UTP20: variants seen among roughly 807,000 people sequenced by gnomAD.
UTP20 encodes small subunit processome component 20 homolog.
In UTP20, 164 loss-of-function variants were observed where a neutral mutation model predicts 329.5. The ratio of observed to expected loss-of-function variants is 0.50; its 90% CI spans 0.44 to 0.57. The LOEUF (loss-of-function observed/expected upper bound fraction) is 0.57. UTP20 is among the 20% of genes least tolerant of loss of function. The pLI, the probability that UTP20 is intolerant of heterozygous loss-of-function variation, is 0.00. For synonymous variants in UTP20, 1,151 were observed against 1,159.3 expected (o/e 0.99, Z 0.14); for missense variants, 3,055 against 3,284.2 (o/e 0.93, Z 1.71).
rs747713572 is a variant in UTP20, at chr12:101,281,121, T to C, written c.51T>C (p.Leu17=). ...SHKTENTYRF[L]TFAERLGNVN... is the part of the protein sequence containing the mutation. ...AAATATACTTTCCCTTCCAGTTTCT[T>C]ACATTTGCTGAACGACTGGGGAATG... Residue 17 remains leucine (L), a synonymous_variant, in exon 2 of 62, where the codon CTT becomes CTC. Transcript: ENST00000261637. The C allele has an allele frequency of 8.1e-5, 130 of 1,611,764 alleles. No individual in the cohort carries two copies. The highest frequency in any genetic ancestry group is 1.0e-4 in the Non-Finnish European group (121 of 1,178,786).
intron 21 of UTP20, among the ~76,000 whole-genome samples, chr12:101,316,525 A>G (rs1350399980): frequency 6.6e-6 from 1 of 152,222 alleles, no homozygotes; most frequent in Admixed American, 6.5e-5. Flanking sequence ...GAAAATACCA[A>G]GTACCACAGT....
At chr12:101,360,906 G>C (rs1195742808) in intron 43 of UTP20, among the ~76,000 whole-genome samples, 2 of 152,140 alleles carry the variant, frequency 1.3e-5, no homozygotes, top group Admixed American at 1.3e-4. Flanking sequence ...ACAACTAAAT[G>C]TGTTTCCTTA....
chr12:101,286,338 C>T lies in UTP20; in HGVS notation c.344C>T (p.Ala115Val). 7 of 1,608,958 alleles carry T rather than the reference C, an allele frequency of 4.4e-6. No individual in the cohort carries two copies. Among genetic ancestry groups the T allele is most frequent in the Non-Finnish European group, 5.9e-6 (7 of 1,177,566 alleles). ...TAATCCAGTTTGGTTGTACAGTTGG[C>T]ACGAGATCTGCAGATGGATTTCTAC... is the stretch of plus-strand genomic sequence containing the variant. ...QPLLDLVVQL[A>V]RDLQMDFYPH... The change falls in exon 5 of 62, where the codon GCA (alanine) becomes GTA (valine). Residue 115 changes from alanine (A) to valine (V), a missense_variant. By Grantham distance (64) the Ala-to-Val change is moderately conservative (BLOSUM62 0). Transcript: ENST00000261637.
Position 101,308,266 on chromosome 12 carries a change from A to T in UTP20, c.2077A>T (p.Arg693Ter), listed in dbSNP as rs775006012. The T allele has an allele frequency of 6.2e-7, 1 of 1,613,134 alleles. No individual in the cohort carries two copies. Among genetic ancestry groups the T allele is most frequent in the Non-Finnish European group, 8.5e-7 (1 of 1,179,604 alleles). ...ELVPATVNDY[R>*]EKLLHLRKLR... ...TGTTCCAGCAACTGTGAATGATTAT[A>T]GAGAGAAGCTTCTTCATTTGAGAAA... The change falls in exon 18 of 62, where the codon AGA becomes TGA. Residue 693 changes from arginine to a stop codon, truncating the protein, a stop_gained. Transcript: ENST00000261637. LOFTEE classifies it high-confidence loss of function.
chr12:101,365,214 G>T (rs1870057694), intron 45 of UTP20, among the ~76,000 whole-genome samples: 1 of 152,094 alleles, frequency 6.6e-6, no homozygotes, highest in Non-Finnish European at 1.5e-5. Context: ...GCAGAGAACA[G>T]GGAGGGAGTG....
intron 28 of UTP20, among the ~76,000 whole-genome samples, chr12:101,333,860 C>T (rs2034904): frequency 0.14 from 21,488 of 152,166 alleles, 3,380 homozygotes; most frequent in East Asian, 0.47. Flanking sequence ...GATGGAGTTT[C>T]GCCATGTTGG....
At chr12:101,342,338 C>A in intron 32 of UTP20, 108 bp from the exon 33 acceptor site, 1 of 913,800 alleles carries the variant, frequency 1.1e-6, no homozygotes, top group Non-Finnish European at 1.5e-6. Flanking sequence ...CCAATTACTA[C>A]TTTTACATCT....
intron 2 of UTP20, among the ~76,000 whole-genome samples, chr12:101,284,340 GT>G (rs1241535937): frequency 6.6e-5 from 10 of 152,128 alleles, no homozygotes; most frequent in African/African-American, 2.2e-4. Context: ...AGAACATGCA[GT>G]TTTTGGTTTT....
chr12:101,284,370 G>T (rs1871892138), intron 2 of UTP20, among the ~76,000 whole-genome samples: 1 of 152,210 alleles, frequency 6.6e-6, no homozygotes, highest in East Asian at 1.9e-4. Flanking sequence ...ATGTTAATTT[G>T]CTTAGTATTA....
chr12:101,281,676 G>C (rs1031702902), intron 2 of UTP20, among the ~76,000 whole-genome samples: 5 of 152,062 alleles, frequency 3.3e-5, no homozygotes, highest in African/African-American at 1.2e-4. Flanking sequence ...ACCATACTCT[G>C]ACTCTGTCAT....
chr12:101,288,953 T>G lies in UTP20; in HGVS notation c.516-7T>G, dbSNP rs746611397. On this transcript the variant is annotated splice_region_variant and splice_polypyrimidine_tract_variant and intron_variant, in intron 5 of 61. Transcript: ENST00000261637. ...AATGAAATGTATCTTATTTTTTTCA[T>G]GTATAGCATGTACAGCACACTCCTG... 6.2e-7 allele frequency: 1 copy of G among 1,608,320 alleles called. No individual in the cohort carries two copies. The highest frequency in any genetic ancestry group is 1.7e-5 in the Admixed American group (1 of 58,816).
At chr12:101,310,577 C>CA (rs549641642) in intron 19 of UTP20, among the ~76,000 whole-genome samples, 694 of 44,224 alleles carry the variant, frequency 0.016, 24 homozygotes, top group Middle Eastern at 0.068. Context: ...CTCTGTCTCC[C>CA]AAAAAAAAAA....
At chr12:101,327,302 C>T in intron 26 of UTP20, 55 bp downstream of exon 26, 2 of 1,450,460 alleles carry the variant, frequency 1.4e-6, no homozygotes, top group South Asian at 1.6e-5. Flanking sequence ...GGACTTCTCA[C>T]ATCTCAGGCT....
chr12:101,359,994 G>A (rs1264840950), intron 43 of UTP20, among the ~76,000 whole-genome samples: 3 of 152,198 alleles, frequency 2.0e-5, no homozygotes, highest in Non-Finnish European at 4.4e-5. Flanking sequence ...GACATACAAG[G>A]AGGACTACAT....
At chr12:101,346,746 TA>T (rs1869337970) in intron 38 of UTP20, among the ~76,000 whole-genome samples, 158 bp downstream of exon 38, 1 of 152,190 alleles carries the variant, frequency 6.6e-6, no homozygotes, top group Non-Finnish European at 1.5e-5. Context: ...TGACACATAG[TA>T]AATGCTATAT....
intron 21 of UTP20, among the ~76,000 whole-genome samples, chr12:101,315,985 G>C (rs937769616): frequency 1.3e-5 from 2 of 152,160 alleles, no homozygotes; most frequent in African/African-American, 4.8e-5. Flanking sequence ...CAATTCTAAG[G>C]AACGTTTAAT....
chr12:101,349,105 T>A (rs995652511), intron 38 of UTP20, among the ~76,000 whole-genome samples: 3 of 152,190 alleles, frequency 2.0e-5, no homozygotes, highest in Admixed American at 6.5e-5. Flanking sequence ...TTATTTCCAA[T>A]GAGAAGTTAT....
chr12:101,328,959 A>G (rs1230304328), intron 26 of UTP20, among the ~76,000 whole-genome samples: 1 of 151,954 alleles, frequency 6.6e-6, no homozygotes, highest in Non-Finnish European at 1.5e-5. Flanking sequence ...GATGAGAATT[A>G]GGTTTAGAGA....
intron 14 of UTP20, among the ~76,000 whole-genome samples, chr12:101,301,832 A>G (rs1275711351): frequency 6.6e-6 from 1 of 152,194 alleles, no homozygotes; most frequent in East Asian, 1.9e-4. Context: ...CAAAAGTACT[A>G]GTTTTGATAA....
Sources: gnomAD v4.1 joint callset for allele counts (sites outside exome capture counted in the v4.1 genomes callset) on GRCh38, gnomAD v4.1.1 for gene constraint, MANE v1.5 for transcripts, NCBI Gene and HGNC (gene_info 2026-07-23, HGNC 2026-07-21) for gene names.